Variants in ZNF33B observed in about 807,000 individuals in gnomAD.
ZNF33B encodes the protein zinc finger protein 11b (KOX 2).
Under a neutral mutation model 45.8 loss-of-function variants are expected in ZNF33B, and 29 were observed. The ratio of observed to expected loss-of-function variants is 0.63; its 90% CI spans 0.47 to 0.86. The LOEUF is 0.86. Ranked by LOEUF, ZNF33B falls within the 40% of genes least tolerant of loss-of-function variation. The probability of loss-of-function intolerance (pLI) is 0.00; values close to 1 mark genes in which losing one functional copy is unlikely to be tolerated. For missense variants in ZNF33B, 831 were observed against 909.9 expected, an observed-to-expected ratio of 0.91 and a Z score of 1.12; for synonymous variants, 305 against 307.8, an observed-to-expected ratio of 0.99 and a Z score of 0.10.
intron 4 of ZNF33B, among the ~76,000 whole-genome samples, chr10:42,604,042 A>G (rs1046578483): frequency 2.0e-5 from 3 of 152,266 alleles, no homozygotes; most frequent in African/African-American, 7.2e-5. Context: ...TACAACACAT[A>G]CAAAGAAACA....
rs534292195 is a variant in ZNF33B at position 42,620,977 on chromosome 10, C to T, written c.250+10952G>A. On this transcript the variant is annotated intron_variant, in intron 4 of 4. Coordinates refer to ENST00000359467, the MANE Select transcript of ZNF33B (RefSeq NM_006955.3). The stretch of plus-strand genomic sequence containing the variant: ...ATATGTACCAAGCAGCATCCTGAAA[C>T]ATGTAAAGCAAACACAGAATGCAAG... 5.3e-5 allele frequency among the ~76,000 whole-genome samples: 8 copies of T among 152,068 alleles called. No homozygotes were observed. In the East Asian group the frequency reaches 1.4e-3, roughly 26 times the overall value.
intron 4 of ZNF33B, among the ~76,000 whole-genome samples, chr10:42,618,707 T>C (rs1191968595): frequency 6.6e-6 from 1 of 152,210 alleles, no homozygotes; most frequent in Non-Finnish European, 1.5e-5. Context: ...GCTGAGCTTC[T>C]TGGATGAATA....
chr10:42,576,515 AG>A (rs1205135705), intron 1 of ZNF33B, among the ~76,000 whole-genome samples: 7 of 152,094 alleles, frequency 4.6e-5, no homozygotes, highest in Non-Finnish European at 1.0e-4. Context: ...TGTTTGCAGG[AG>A]GGAGACTAGA....
In ZNF33B at chr10:42,592,565, G is replaced by A; in HGVS notation, c.*48C>T. The A allele has an allele frequency of 3.8e-6, 6 of 1,581,048 alleles. No homozygotes were observed. The highest frequency in any genetic ancestry group is 5.2e-6 in the Non-Finnish European group (6 of 1,163,798). On this transcript the variant is annotated 3_prime_UTR_variant, in exon 5 of 5. Transcript: ENST00000359467. ...CCCTTCTCCACAGTGTGAAGACTCT[G>A]AGGCATTATGGAGGCTGACTTGTGG... is the stretch of plus-strand genomic sequence containing the variant.
chr10:42,616,940 C>T (rs1330164125), intron 4 of ZNF33B, among the ~76,000 whole-genome samples: 1 of 151,874 alleles, frequency 6.6e-6, no homozygotes, highest in Non-Finnish European at 1.5e-5. Context: ...GTGATCTGCA[C>T]ACCTCAGCCT....
At chr10:42,574,377 T>C (rs1413590344) in exon 2 of ZNF33B, 2 of 152,036 alleles carry the variant, frequency 1.3e-5, no homozygotes, top group Non-Finnish European at 2.9e-5. Context: ...TGCAGGGATT[T>C]TGGGGGTTGT....
intron 1 of ZNF33B, among the ~76,000 whole-genome samples, chr10:42,583,822 A>G (rs1836872430): frequency 6.6e-6 from 1 of 152,034 alleles, no homozygotes; most frequent in African/African-American, 2.4e-5. Context: ...AGATGAGGGA[A>G]TGAAGCTGGA....
At chr10:42,587,060 G>C (rs766135856), downstream of ZNF33B, among the ~76,000 whole-genome samples, 17 of 152,224 alleles carry the variant, frequency 1.1e-4, no homozygotes, top group Non-Finnish European at 1.9e-4. Flanking sequence ...GGGGCAAAAA[G>C]GGCCTAGTGT....
chr10:42,629,019 C>T (rs1043096610), intron 4 of ZNF33B, among the ~76,000 whole-genome samples: 1 of 152,180 alleles, frequency 6.6e-6, no homozygotes, highest in African/African-American at 2.4e-5. Context: ...ATGTTTACTG[C>T]AGCACTGTTC....
intron 4 of ZNF33B, among the ~76,000 whole-genome samples, chr10:42,601,554 A>T (rs562833258): frequency 2.5e-4 from 37 of 145,584 alleles, no homozygotes; most frequent in Admixed American, 7.9e-4. Context: ...CCTCACTGCA[A>T]CTTCTGCCTC....
intron 4 of ZNF33B, among the ~76,000 whole-genome samples, chr10:42,621,428 A>G (rs1838583668): frequency 6.6e-6 from 1 of 152,042 alleles, no homozygotes; most frequent in African/African-American, 2.4e-5. Flanking sequence ...ACACACAAAT[A>G]CCAGTAAAAT....
At chr10:42,585,348 T>C (rs1836911646), downstream of ZNF33B, among the ~76,000 whole-genome samples, 1 of 152,186 alleles carries the variant, frequency 6.6e-6, no homozygotes, top group Admixed American at 6.5e-5. Flanking sequence ...ATGCACAAAC[T>C]AGAACTGAAC....
At chr10:42,606,273 T>G (rs979731358) in intron 4 of ZNF33B, among the ~76,000 whole-genome samples, 19 of 152,006 alleles carry the variant, frequency 1.2e-4, no homozygotes, top group African/African-American at 4.6e-4. Context: ...GTGACCAGCC[T>G]AGCTAACATG....
chr10:42,596,473 TACTC>T, intron 4 of ZNF33B, among the ~76,000 whole-genome samples: 1 of 152,310 alleles, frequency 6.6e-6, no homozygotes, highest in East Asian at 1.9e-4. Flanking sequence ...TAGAATTACA[TACTC>T]AATTACTACA....
Position 42,616,674 on chromosome 10 carries a change from T to C in ZNF33B, c.250+15255A>G, listed in dbSNP as rs182385471. Reference sequence around the variant, plus strand: ...TGTGCTATGATTTTTCAACAAATAGTGTACAATATGTTTTTGTCCATTACA... The same window carrying C: ...TGTGCTATGATTTTTCAACAAATAGCGTACAATATGTTTTTGTCCATTACA... On this transcript the variant is annotated intron_variant, in intron 4 of 4. Transcript: ENST00000359467. Among the ~76,000 whole-genome samples, 56 of 152,220 alleles carry C rather than the reference T, an allele frequency of 3.7e-4. 1 individual carries two copies. In the East Asian group the frequency reaches 8.5e-3, roughly 23 times the overall value.
intron 4 of ZNF33B, 167 bp downstream of exon 4, chr10:42,631,762 A>G (rs1240579386): frequency 1.7e-6 from 1 of 600,524 alleles, no homozygotes; most frequent in Non-Finnish European, 3.0e-6. Flanking sequence ...TTTTGTGAGT[A>G]GTATCTGGAG....
chr10:42,588,514 T>A (rs770018091), downstream of ZNF33B, among the ~76,000 whole-genome samples: 4 of 152,204 alleles, frequency 2.6e-5, no homozygotes, highest in Non-Finnish European at 5.9e-5. Context: ...ATGGTGAAGA[T>A]GGGATTCCCC....
chr10:42,620,421 T>C (rs746268954), intron 4 of ZNF33B, among the ~76,000 whole-genome samples: 4 of 152,030 alleles, frequency 2.6e-5, no homozygotes, highest in Non-Finnish European at 5.9e-5. Context: ...ATTTATTTTT[T>C]AGACAGGGTC....
intron 4 of ZNF33B, among the ~76,000 whole-genome samples, chr10:42,630,976 GCTGCTATTACCC>G (rs1030484930): frequency 2.0e-5 from 3 of 152,122 alleles, no homozygotes; most frequent in African/African-American, 7.2e-5. Flanking sequence ...AAGGCTAGCA[GCTGCTATTACCC>G]CTGCTGAAAA....
Sources: allele counts gnomAD v4.1 joint callset (sites outside exome capture counted in the v4.1 genomes callset), GRCh38; gene constraint gnomAD v4.1.1; transcripts MANE v1.5; gene names NCBI Gene and HGNC (gene_info 2026-07-23, HGNC 2026-07-21).